Variants in PDLIM7 observed in about 807,000 individuals in gnomAD.
PDLIM7 encodes the protein PDZ and LIM domain protein 7.
A neutral mutation model predicts 53.9 loss-of-function variants in PDLIM7; 37 were observed. That is an observed-to-expected ratio of 0.69 (90% CI 0.53 to 0.90). The LOEUF is 0.90. Among genes scored for constraint, PDLIM7 ranks in the 40% least tolerant of loss-of-function variants. The pLI is 0.00. For synonymous variants in PDLIM7, 300 were observed against 261.3 expected (o/e 1.15, Z -1.43); for missense variants, 617 against 638.5 (o/e 0.97, Z 0.36).
At chr5:177,483,833 G>C (rs1441592667) in intron 12 of PDLIM7, 34 bp downstream of exon 12, 23 of 1,601,604 alleles carry the variant, frequency 1.4e-5, no homozygotes, top group Middle Eastern at 3.3e-4. Context: ...GGGCCGGTGG[G>C]CTTGGGGCTC....
chr5:177,490,985 C>T (rs1758742931), intron 6 of PDLIM7, 25 bp downstream of exon 6: 3 of 1,613,616 alleles, frequency 1.9e-6, no homozygotes, highest in Admixed American at 1.7e-5. Flanking sequence ...GAGGAAAGTA[C>T]CCCCTGCCCT....
intron 10 of PDLIM7, among the ~76,000 whole-genome samples, chr5:177,485,992 T>C (rs943834586): frequency 3.9e-5 from 6 of 151,940 alleles, no homozygotes; most frequent in Non-Finnish European, 8.8e-5. Context: ...TCATTATACA[T>C]AAAGAAATAA....
At chr5:177,492,023 G>GGCCC in intron 4 of PDLIM7, 98 bp from the exon 5 acceptor site, 1 of 514,344 alleles carries the variant, frequency 1.9e-6, no homozygotes, top group South Asian at 4.1e-5. Flanking sequence ...GGCAGCTCCA[G>GGCCC]CCCCCCACCC....
chr5:177,484,432 C>T, intron 10 of PDLIM7: 1 of 509,734 alleles, frequency 2.0e-6, no homozygotes. Context: ...AACCTCTCCT[C>T]CCACAGCCAT....
chr5:177,494,473 C>T (rs2127415006), intron 2 of PDLIM7, among the ~76,000 whole-genome samples: 1 of 152,140 alleles, frequency 6.6e-6, no homozygotes, highest in East Asian at 1.9e-4. Context: ...GGCCCAGCCA[C>T]TCCCTGCCCA....
In PDLIM7 at chr5:177,496,326, C is replaced by G. The variant is rs995170094; in HGVS notation, c.96+91G>C. The G allele has an allele frequency of 5.2e-6, 5 of 962,832 alleles. No individual in the cohort carries two copies. In the African/African-American group the frequency reaches 8.5e-5, roughly 16 times the overall value. 59.6% of individuals were successfully genotyped at this position (962,832 alleles called of 1,614,324 possible). A position where few individuals can be genotyped will look rare whatever the true frequency, so the allele number is the denominator to read the frequency against. Reference sequence around the variant, plus strand: ...CATCTCCTGGCCTGCTGGCCCCTGACCAGCTCCTGTTAGGACTCCCCCCAT... The same window carrying G: ...CATCTCCTGGCCTGCTGGCCCCTGAGCAGCTCCTGTTAGGACTCCCCCCAT... On this transcript the variant is annotated intron_variant, in intron 2 of 12. Coordinates refer to ENST00000355841, the MANE Select transcript of PDLIM7 (RefSeq NM_005451.5).
chr5:177,488,049 G>A lies in PDLIM7; in HGVS notation c.1050+19C>T, dbSNP rs374030011. 45 of 1,559,910 alleles carry A rather than the reference G, an allele frequency of 2.9e-5. No homozygotes were observed. The highest frequency in any genetic ancestry group is 1.7e-4 in the Middle Eastern group (1 of 5,834). The stretch of plus-strand genomic sequence containing the variant: ...CTGACAGGCTTGGGACCACCTCCCC[G>A]CCAGCCAGCCCTACTCACGCCTGTA... On this transcript the variant is annotated intron_variant, in intron 10 of 12. Coordinates refer to ENST00000355841, the MANE Select transcript of PDLIM7 (RefSeq NM_005451.5).
rs751002847 is a variant in PDLIM7 at position 177,491,856 on chromosome 5, G to A, written c.349C>T (p.Arg117Trp). ...GCGGGCGGGGGCGCCCCAAAGGGCC[G>A]GGCCGTCTTGTTGAGGGAGACGCTG... is the stretch of plus-strand genomic sequence containing the variant. Reference protein sequence around the residue: ...APSVSLNKTARPFGAPPPADS... With the variant: ...APSVSLNKTAWPFGAPPPADS... The change falls in exon 5 of 13, where the codon CGG becomes TGG. Residue 117 changes from arginine to tryptophan, a missense_variant. Physicochemically the swap from Arg to Trp is moderately radical, Grantham distance 101. Transcript: ENST00000355841. 7.2e-5 allele frequency: 92 copies of A among 1,281,930 alleles called. No individual in the cohort carries two copies. The highest frequency in any genetic ancestry group is 8.8e-5 in the Non-Finnish European group (89 of 1,010,956). 79.4% of individuals were successfully genotyped at this position (1,281,930 alleles called of 1,614,324 possible).
chr5:177,487,895 T>C (rs1458444940), intron 10 of PDLIM7, 173 bp downstream of exon 10: 2 of 519,758 alleles, frequency 3.8e-6, no homozygotes, highest in Non-Finnish European at 6.3e-6. Flanking sequence ...CATGGTCATT[T>C]GTTAAGAGCA....
chr5:177,491,683 A>AG, intron 5 of PDLIM7, 124 bp downstream of exon 5: 2 of 657,240 alleles, frequency 3.0e-6, no homozygotes, highest in Non-Finnish European at 4.9e-6. Flanking sequence ...CCCGGCCGCC[A>AG]GGGGGCGCTG....
At chr5:177,485,577 C>T (rs1033005232) in intron 10 of PDLIM7, among the ~76,000 whole-genome samples, 1 of 152,230 alleles carries the variant, frequency 6.6e-6, no homozygotes, top group Non-Finnish European at 1.5e-5. Flanking sequence ...CAGATCCAAT[C>T]CCTGCAAGGG....
At chr5:177,491,430 A>C in intron 5 of PDLIM7, 1 of 1,549,160 alleles carries the variant, frequency 6.5e-7, no homozygotes, top group Non-Finnish European at 8.7e-7. Flanking sequence ...CCTGTGAAGG[A>C]AATAAGACAG....
chr5:177,488,623 C>G (rs1331828225), intron 9 of PDLIM7, among the ~76,000 whole-genome samples: 2 of 152,224 alleles, frequency 1.3e-5, no homozygotes, highest in African/African-American at 4.8e-5. Flanking sequence ...CACAGTGGCT[C>G]ACACCTGTAG....
intron 10 of PDLIM7, among the ~76,000 whole-genome samples, chr5:177,486,282 G>A (rs1370150480): frequency 6.6e-6 from 1 of 152,154 alleles, no homozygotes; most frequent in South Asian, 2.1e-4. Flanking sequence ...TGTGGGCCAA[G>A]CAAGACATAA....
chr5:177,489,046 TGAGAGCAGAGGGAGACA>T (rs138842167), intron 9 of PDLIM7, among the ~76,000 whole-genome samples: 2,603 of 152,238 alleles, frequency 0.017, 78 homozygotes, highest in African/African-American at 0.055. Context: ...CTGTATGCTC[TGAGAGCAGAGGGAGACA>T]GAGAGCAGGA....
chr5:177,497,394 G>A (rs1003449709), intron 1 of PDLIM7, 134 bp downstream of exon 1: 2 of 152,246 alleles, frequency 1.3e-5, no homozygotes, highest in East Asian at 1.9e-4. Context: ...GCGGGGGCGG[G>A]GGCGGAGGCA....
At chr5:177,495,388 C>T (rs1329269112) in intron 2 of PDLIM7, among the ~76,000 whole-genome samples, 3 of 152,200 alleles carry the variant, frequency 2.0e-5, no homozygotes, top group Non-Finnish European at 4.4e-5. Context: ...TTCCTGACAA[C>T]AGCTGCCTGC....
chr5:177,483,550 A>G lies in PDLIM7; in HGVS notation c.*94T>C. 1.1e-6 allele frequency: 1 copy of G among 935,172 alleles called. No homozygotes were observed. The highest frequency in any genetic ancestry group is 2.4e-5 in the Admixed American group (1 of 41,776). The allele number at this position is 935,172 out of a possible 1,614,324, so 57.9% of individuals were successfully genotyped here. A position where few individuals can be genotyped will look rare whatever the true frequency, so the allele number is the denominator to read the frequency against. On this transcript the variant is annotated 3_prime_UTR_variant, in exon 13 of 13. Coordinates refer to ENST00000355841, the MANE Select transcript of PDLIM7 (RefSeq NM_005451.5). ...AGGCTCGGGCCAGGAGCCAGGGTTAAGGCAACCATTGCCAGCCCTACCCAG... is the reference window on the plus strand; with the variant it reads ...AGGCTCGGGCCAGGAGCCAGGGTTAGGGCAACCATTGCCAGCCCTACCCAG...
intron 2 of PDLIM7, among the ~76,000 whole-genome samples, chr5:177,496,090 A>AGTTTAGAGCTAAAC (rs1759056024): frequency 6.6e-6 from 1 of 152,102 alleles, no homozygotes. Context: ...GGCTCCAAGC[A>AGTTTAGAGCTAAAC]TTGCCACCTC....
Sources: gnomAD v4.1 joint callset for allele counts (sites outside exome capture counted in the v4.1 genomes callset) on GRCh38, gnomAD v4.1.1 for gene constraint, MANE v1.5 for transcripts, NCBI Gene and HGNC (gene_info 2026-07-23, HGNC 2026-07-21) for gene names.